VKORC1L1: variants seen among roughly 807,000 people sequenced by gnomAD.
The protein encoded by VKORC1L1 is vitamin K epoxide reductase complex subunit 1-like protein 1.
VKORC1L1 carries 2 observed loss-of-function variants against 18.9 expected under a neutral mutation model. The observed-to-expected ratio is 0.11, with a 90% CI of 0.04 to 0.33. The LOEUF is 0.33. Among genes scored for constraint, VKORC1L1 ranks in the 10% least tolerant of loss-of-function variants. The probability of loss-of-function intolerance (pLI) is 1.00; values close to 1 mark genes in which losing one functional copy is unlikely to be tolerated. For synonymous variants in VKORC1L1, 96 were observed against 100.0 expected (o/e 0.96, Z 0.24); for missense variants, 123 against 224.1 (o/e 0.55, Z 2.88).
At chr7:65,923,135 T>C (rs1283861269) in intron 1 of VKORC1L1, among the ~76,000 whole-genome samples, 7 of 152,070 alleles carry the variant, frequency 4.6e-5, no homozygotes, top group Non-Finnish European at 7.4e-5. Context: ...AAAAAGATGA[T>C]AGGAGCAGGG....
At chr7:65,947,673 A>G (rs1790144269) in intron 1 of VKORC1L1, among the ~76,000 whole-genome samples, 1 of 152,006 alleles carries the variant, frequency 6.6e-6, no homozygotes, top group African/African-American at 2.4e-5. Flanking sequence ...GGAAAGACCT[A>G]TAGTTTCTGA....
At chr7:65,886,186 A>T (rs1222794033) in intron 1 of VKORC1L1, among the ~76,000 whole-genome samples, 3 of 152,090 alleles carry the variant, frequency 2.0e-5, no homozygotes, top group Admixed American at 1.3e-4. Flanking sequence ...GTCTAAAGAG[A>T]CTTTATCATG....
In VKORC1L1 at chr7:65,955,080, TG is replaced by T. The variant is rs1790272879; in HGVS notation, c.*781del. Reference sequence around the variant, plus strand: ...TGTTCAGTCATAAAACTGGGCCAGTTGTTAACCTTACAGAATGAGTCATGTG... The same window carrying T: ...TGTTCAGTCATAAAACTGGGCCAGTTTTAACCTTACAGAATGAGTCATGTG... On this transcript the variant is annotated 3_prime_UTR_variant, in exon 3 of 3. Coordinates refer to ENST00000360768, the MANE Select transcript of VKORC1L1 (RefSeq NM_173517.6). 6.6e-6 allele frequency: 1 copy of T among 152,202 alleles called. No homozygotes were observed. Among genetic ancestry groups the T allele is most frequent in the Admixed American group, 6.5e-5 (1 of 15,276 alleles). 9.4% of individuals were successfully genotyped at this position (152,202 alleles called of 1,614,324 possible).
chr7:65,929,090 CTT>C (rs576730040), intron 1 of VKORC1L1, among the ~76,000 whole-genome samples: 15 of 151,914 alleles, frequency 9.9e-5, no homozygotes, highest in East Asian at 3.9e-4. Flanking sequence ...TGTTTGTTTC[CTT>C]ATGGTTCAGT....
At chr7:65,915,213 T>G (rs1789567491) in intron 1 of VKORC1L1, among the ~76,000 whole-genome samples, 1 of 149,338 alleles carries the variant, frequency 6.7e-6, no homozygotes, top group African/African-American at 2.5e-5. Flanking sequence ...TGCCTCAGCC[T>G]CCCGAGTAGC....
At chr7:65,885,677 C>T (rs908032283) in intron 1 of VKORC1L1, among the ~76,000 whole-genome samples, 1 of 151,938 alleles carries the variant, frequency 6.6e-6, no homozygotes, top group African/African-American at 2.4e-5. Flanking sequence ...TTTCAAATGC[C>T]ACAAGGCTTT....
intron 1 of VKORC1L1, among the ~76,000 whole-genome samples, chr7:65,916,391 T>C (rs983435976): frequency 2.0e-5 from 3 of 152,106 alleles, no homozygotes; most frequent in Non-Finnish European, 4.4e-5. Context: ...TTCTAAGTCC[T>C]TTTCTCCTGA....
chr7:65,940,795 A>G (rs1054804654), intron 1 of VKORC1L1, among the ~76,000 whole-genome samples: 2 of 152,240 alleles, frequency 1.3e-5, no homozygotes, highest in Admixed American at 1.3e-4. Context: ...TTTGTGCTCA[A>G]AAGGAAATAT....
intron 1 of VKORC1L1, among the ~76,000 whole-genome samples, chr7:65,881,462 A>C (rs1788926805): frequency 6.6e-6 from 1 of 152,132 alleles, no homozygotes; most frequent in Non-Finnish European, 1.5e-5. Context: ...AGAGATGGAG[A>C]ACAGATTTAG....
intron 1 of VKORC1L1, among the ~76,000 whole-genome samples, chr7:65,925,406 T>C (rs1789745836): frequency 6.6e-6 from 1 of 152,230 alleles, no homozygotes; most frequent in South Asian, 2.1e-4. Context: ...TCTCACTCTT[T>C]CCAGTTCTGA....
intron 2 of VKORC1L1, among the ~76,000 whole-genome samples, chr7:65,951,079 T>C (rs1319964937): frequency 6.6e-6 from 1 of 151,642 alleles, no homozygotes; most frequent in Non-Finnish European, 1.5e-5. Flanking sequence ...ATCATATTTA[T>C]CACATGTGTT....
Position 65,959,360 on chromosome 7 carries a change from A to ACATT in VKORC1L1, c.*5061_*5064dup, listed in dbSNP as rs1790357847. ...TGTAAACCATTTAAATGTGTCTATT[A>ACATT]CATTTAACTTTTCTTAATGTTTGTC... is the stretch of plus-strand genomic sequence containing the variant. On this transcript the variant is annotated 3_prime_UTR_variant, in exon 3 of 3. Transcript: ENST00000360768. The ACATT allele has an allele frequency of 6.6e-6, 1 of 152,246 alleles. No individual in the cohort carries two copies. Among genetic ancestry groups the ACATT allele is most frequent in the Non-Finnish European group, 1.5e-5 (1 of 68,050 alleles). The allele number at this position is 152,246 out of a possible 1,614,324, so 9.4% of individuals were successfully genotyped here. A position where few individuals can be genotyped will look rare whatever the true frequency, so the allele number is the denominator to read the frequency against.
In VKORC1L1 at chr7:65,873,449, A is replaced by C; in HGVS notation, c.78A>C (p.Gly26=). Residue 26 remains glycine (G), a synonymous_variant, in exon 1 of 3, where the codon GGA becomes GGC. Coordinates refer to ENST00000360768, the MANE Select transcript of VKORC1L1 (RefSeq NM_173517.6). ...CCCGGTATGCAGTGTGCGCTGCCGG[A>C]ATCCTGCTCTCCATCTACGCCTACC... is the stretch of plus-strand genomic sequence containing the variant. The part of the protein sequence containing the change: ...RVARYAVCAA[G]ILLSIYAYHV... 3 of 1,591,312 alleles carry C rather than the reference A, an allele frequency of 1.9e-6. No homozygotes were observed. Among genetic ancestry groups the C allele is most frequent in the South Asian group, 2.2e-5 (2 of 90,080 alleles).
intron 1 of VKORC1L1, among the ~76,000 whole-genome samples, chr7:65,925,653 G>A (rs1583852647): frequency 6.6e-6 from 1 of 152,122 alleles, no homozygotes; most frequent in Admixed American, 6.5e-5. Context: ...TGTTAGGTTG[G>A]TGCAAAACTT....
At chr7:65,874,181 T>G (rs1788785646) in intron 1 of VKORC1L1, among the ~76,000 whole-genome samples, 1 of 152,120 alleles carries the variant, frequency 6.6e-6, no homozygotes, top group South Asian at 2.1e-4. Flanking sequence ...AACACGAATT[T>G]GACCCTACTG....
chr7:65,901,796 A>G (rs892265643), intron 1 of VKORC1L1, among the ~76,000 whole-genome samples: 14 of 152,182 alleles, frequency 9.2e-5, no homozygotes, highest in Admixed American at 2.0e-4. Context: ...CTACAGGTGC[A>G]TGAGAGGAGA....
intron 1 of VKORC1L1, among the ~76,000 whole-genome samples, chr7:65,874,597 G>T (rs1229235777): frequency 6.6e-6 from 1 of 151,894 alleles, no homozygotes. Context: ...CATGAGGTCA[G>T]GAGTTCAAGA....
intron 1 of VKORC1L1, among the ~76,000 whole-genome samples, chr7:65,936,614 G>A (rs1562653153): frequency 6.6e-6 from 1 of 152,182 alleles, no homozygotes; most frequent in African/African-American, 2.4e-5. Context: ...TTATTTCTGA[G>A]AGACTTTGCT....
upstream of VKORC1L1, among the ~76,000 whole-genome samples, chr7:65,872,360 TG>T (rs1031545942): frequency 1.3e-5 from 2 of 152,044 alleles, no homozygotes; most frequent in Non-Finnish European, 2.9e-5. Context: ...TCGCCCAGGC[TG>T]GAGTGCAGTG....
Sources: gnomAD v4.1 joint callset for allele counts (sites outside exome capture counted in the v4.1 genomes callset) on GRCh38, gnomAD v4.1.1 for gene constraint, MANE v1.5 for transcripts, NCBI Gene and HGNC (gene_info 2026-07-23, HGNC 2026-07-21) for gene names.